KL: variants seen among roughly 807,000 people sequenced by gnomAD.
KL encodes alpha-klotho.
A neutral mutation model predicts 84.2 loss-of-function variants in KL; 62 were observed. That is an observed-to-expected ratio of 0.74 (90% CI 0.60 to 0.91). The LOEUF is 0.91. Ranked by LOEUF, KL falls within the 40% of genes least tolerant of loss-of-function variation. KL has a pLI of 0.00. For missense variants in KL, 1,261 were observed against 1,305.7 expected (o/e 0.97, Z 0.53); for synonymous variants, 528 against 528.0 (o/e 1.00, Z 0.00).
chr13:33,033,207 G>C (rs1178073846), intron 1 of KL, among the ~76,000 whole-genome samples: 1 of 152,180 alleles, frequency 6.6e-6, no homozygotes, highest in Admixed American at 6.5e-5. Context: ...TTTATGAGGA[G>C]TTACAGTATA....
chr13:33,033,365 C>T (rs950083830), intron 1 of KL, among the ~76,000 whole-genome samples: 1 of 152,098 alleles, frequency 6.6e-6, no homozygotes, highest in Non-Finnish European at 1.5e-5. Flanking sequence ...TAAAAATTTC[C>T]CTTTCGTCAC....
At chr13:33,032,554 A>G (rs1871009668) in intron 1 of KL, among the ~76,000 whole-genome samples, 1 of 152,160 alleles carries the variant, frequency 6.6e-6, no homozygotes, top group Non-Finnish European at 1.5e-5. Flanking sequence ...GCATCCCAAG[A>G]GAACTAGGAG....
chr13:33,028,536 G>T (rs1056293784), intron 1 of KL, among the ~76,000 whole-genome samples: 3 of 152,162 alleles, frequency 2.0e-5, no homozygotes, highest in Non-Finnish European at 4.4e-5. Flanking sequence ...GTAGACCCAT[G>T]ATGTCAGATG....
chr13:33,034,094 CT>C (rs1241444520), intron 1 of KL, among the ~76,000 whole-genome samples: 1 of 152,098 alleles, frequency 6.6e-6, no homozygotes, highest in Non-Finnish European at 1.5e-5. Flanking sequence ...ATTAACACCC[CT>C]TGTCAAACAT....
intron 3 of KL, among the ~76,000 whole-genome samples, chr13:33,057,490 A>G (rs996104044): frequency 4.6e-5 from 7 of 152,184 alleles, no homozygotes; most frequent in Non-Finnish European, 8.8e-5. Context: ...ACTACACTCT[A>G]GAAGCTATTG....
intron 1 of KL, among the ~76,000 whole-genome samples, chr13:33,042,915 C>A (rs1458145924): frequency 6.6e-6 from 1 of 152,154 alleles, no homozygotes; most frequent in African/African-American, 2.4e-5. Flanking sequence ...GTCCTGACCT[C>A]AGGTGATCCA....
At chr13:33,044,117 T>C (rs1011745596) in intron 1 of KL, among the ~76,000 whole-genome samples, 101 of 152,370 alleles carry the variant, frequency 6.6e-4, no homozygotes, top group African/African-American at 2.1e-3. Context: ...ATTGCTTTGA[T>C]GCATTCGTTA....
chr13:33,019,465 A>G (rs1870490670), intron 1 of KL, among the ~76,000 whole-genome samples: 1 of 152,094 alleles, frequency 6.6e-6, no homozygotes, highest in African/African-American at 2.4e-5. Context: ...GGTGAAGGAT[A>G]AAGACTGGCT....
intron 1 of KL, among the ~76,000 whole-genome samples, chr13:33,034,177 T>G (rs1320508656): frequency 6.6e-6 from 1 of 152,222 alleles, no homozygotes; most frequent in Non-Finnish European, 1.5e-5. Context: ...CTTTGGAGAT[T>G]ATTTATGATC....
chr13:33,036,760 A>G (rs1871158174), intron 1 of KL, among the ~76,000 whole-genome samples: 1 of 152,244 alleles, frequency 6.6e-6, no homozygotes, highest in South Asian at 2.1e-4. Flanking sequence ...GATAGTTCAT[A>G]ATAAATGCTT....
Position 33,061,055 on chromosome 13 carries a change from A to AC in KL, c.1980dup (p.Tyr661LeufsTer29), listed in dbSNP as rs775454571. On this transcript the variant is annotated frameshift_variant, in exon 4 of 5. Coordinates refer to ENST00000380099, the MANE Select transcript of KL (RefSeq NM_004795.4). LOFTEE classifies it high-confidence loss of function. ...CTGGCCAGGCAGGGCGCCTGGGAGA[A>AC]CCCCTACACTGCCCTGGCCTTTGCA... 6.2e-7 allele frequency: 1 copy of AC among 1,611,432 alleles called. No individual in the cohort carries two copies. The highest frequency in any genetic ancestry group is 1.1e-5 in the South Asian group (1 of 90,924).
upstream of KL, chr13:33,016,381 G>C: frequency 2.2e-5 from 4 of 180,972 alleles, no homozygotes; most frequent in Non-Finnish European, 4.1e-5. Context: ...GGGCGGGCGC[G>C]GCGGGGCGCG....
rs944093258 is a variant in KL at position 33,064,372 on chromosome 13, G to A, written c.*186G>A. The A allele has an allele frequency of 7.4e-6, 4 of 541,752 alleles. No individual in the cohort carries two copies. Among genetic ancestry groups the A allele is most frequent in the Non-Finnish European group, 6.5e-6 (2 of 306,298 alleles). 33.6% of individuals were successfully genotyped at this position (541,752 alleles called of 1,614,324 possible). A position where few individuals can be genotyped will look rare whatever the true frequency, so the allele number is the denominator to read the frequency against. On this transcript the variant is annotated 3_prime_UTR_variant, in exon 5 of 5. Transcript: ENST00000380099. ...GTGATCGTAAAATATTGAATAATGC[G>A]AATAGTGCCTGAATTTGTTCTCTTT...
Position 33,063,833 on chromosome 13 carries a change from C to T in KL, c.2702-16C>T. 1.9e-6 allele frequency: 3 copies of T among 1,608,916 alleles called. No individual in the cohort carries two copies. The highest frequency in any genetic ancestry group is 2.2e-5 in the South Asian group (2 of 90,928). ...AAATACGTAATAACTACTCTCCTATCCTTTTGTTTTTCCAGCCCACATACT... is the reference window on the plus strand; with the variant it reads ...AAATACGTAATAACTACTCTCCTATTCTTTTGTTTTTCCAGCCCACATACT... On this transcript the variant is annotated splice_polypyrimidine_tract_variant and intron_variant, in intron 4 of 4. Transcript: ENST00000380099.
intron 1 of KL, among the ~76,000 whole-genome samples, chr13:33,052,938 C>T (rs1335866063): frequency 6.6e-6 from 1 of 152,182 alleles, no homozygotes; most frequent in Non-Finnish European, 1.5e-5. Flanking sequence ...AATTTTCACT[C>T]TTCCTTGTAA....
intron 2 of KL, 72 bp from the exon 3 acceptor site, chr13:33,054,975 A>C: frequency 6.3e-7 from 1 of 1,591,210 alleles, no homozygotes; most frequent in Non-Finnish European, 8.6e-7. Flanking sequence ...GGAAACGCTC[A>C]GCTGCTCTTG....
intron 1 of KL, among the ~76,000 whole-genome samples, chr13:33,021,229 G>A (rs2138189499): frequency 6.6e-6 from 1 of 152,260 alleles, no homozygotes; most frequent in South Asian, 2.1e-4. Context: ...ACTTTCCAAT[G>A]GAACAGAGAC....
intron 1 of KL, among the ~76,000 whole-genome samples, chr13:33,018,055 C>A (rs495392): frequency 0.24 from 36,577 of 152,104 alleles, 4,887 homozygotes; most frequent in Admixed American, 0.33. Flanking sequence ...GGAAATATTG[C>A]TATGCCATGG....
At chr13:33,021,167 C>A (rs1327249529) in intron 1 of KL, among the ~76,000 whole-genome samples, 2 of 152,200 alleles carry the variant, frequency 1.3e-5, no homozygotes, top group Non-Finnish European at 2.9e-5. Flanking sequence ...CTGATTTCAC[C>A]TTTATAAACT....
Sources: gnomAD v4.1 joint callset for allele counts (sites outside exome capture counted in the v4.1 genomes callset) on GRCh38, gnomAD v4.1.1 for gene constraint, MANE v1.5 for transcripts, NCBI Gene and HGNC (gene_info 2026-07-23, HGNC 2026-07-21) for gene names.